Variants in TSHZ2 observed in about 807,000 individuals in gnomAD.
TSHZ2 encodes teashirt zinc finger homeobox 2.
TSHZ2 carries 21 observed loss-of-function variants against 74.4 expected under a neutral mutation model. The ratio of observed to expected loss-of-function variants is 0.28; its 90% CI spans 0.20 to 0.41. The LOEUF (loss-of-function observed/expected upper bound fraction) is 0.41, where lower values mean the gene tolerates loss of function less well. TSHZ2 is among the 10% of genes least tolerant of loss of function. The pLI is 1.00. For synonymous variants in TSHZ2, 540 were observed against 515.3 expected (o/e 1.05, Z -0.65); for missense variants, 1,244 against 1,293.5 (o/e 0.96, Z 0.59).
chr20:53,321,714 A>G (rs1979279110), intron 2 of TSHZ2, among the ~76,000 whole-genome samples: 1 of 149,636 alleles, frequency 6.7e-6, no homozygotes, highest in Admixed American at 6.7e-5. Context: ...AGACATTCCT[A>G]AGCCAGCAGA....
intron 2 of TSHZ2, among the ~76,000 whole-genome samples, chr20:53,434,661 G>C (rs1983975555): frequency 6.6e-6 from 1 of 152,216 alleles, no homozygotes; most frequent in Non-Finnish European, 1.5e-5. Context: ...CAAACACACA[G>C]AACCAAACAG....
At chr20:53,435,712 A>G (rs1568916046) in intron 2 of TSHZ2, among the ~76,000 whole-genome samples, 1 of 152,114 alleles carries the variant, frequency 6.6e-6, no homozygotes. Context: ...ACGTGGATTC[A>G]CCATATTGGT....
rs139978131 is a variant in TSHZ2, at chr20:53,394,070, T to C, written c.*9-93074T>C. Among the ~76,000 whole-genome samples, 309 of 152,362 alleles carry C rather than the reference T, an allele frequency of 2.0e-3. 2 individuals carry two copies. Among genetic ancestry groups the C allele is most frequent in the African/African-American group, 7.1e-3 (297 of 41,588 alleles). ...GAAAAAGAAAAGCCATGTCACTGAA[T>C]GTTCAGGACTTTTTAACGGTTGCTG... On this transcript the variant is annotated intron_variant, in intron 2 of 2. Transcript: ENST00000371497.
intron 1 of TSHZ2, among the ~76,000 whole-genome samples, chr20:53,184,001 G>A (rs1220049809): frequency 6.6e-6 from 1 of 152,140 alleles, no homozygotes; most frequent in Non-Finnish European, 1.5e-5. Flanking sequence ...TGCCCACAAC[G>A]CTATCCAGAA....
intron 2 of TSHZ2, among the ~76,000 whole-genome samples, chr20:53,259,254 T>C (rs1600773780): frequency 6.6e-6 from 1 of 152,258 alleles, no homozygotes; most frequent in South Asian, 2.1e-4. Context: ...TTGGAAACTA[T>C]GAGAGCTTTA....
intron 1 of TSHZ2, among the ~76,000 whole-genome samples, chr20:53,160,127 G>A (rs1987894620): frequency 6.6e-6 from 1 of 152,176 alleles, no homozygotes; most frequent in South Asian, 2.1e-4. Context: ...CAAGATGCCT[G>A]TATGTCTGAA....
At chr20:53,344,657 A>T (rs1980363893) in intron 2 of TSHZ2, among the ~76,000 whole-genome samples, 1 of 152,212 alleles carries the variant, frequency 6.6e-6, no homozygotes, top group Non-Finnish European at 1.5e-5. Context: ...CACCAGTGAC[A>T]CTGTATTTAT....
At chr20:53,443,885 G>C (rs1046487160) in intron 2 of TSHZ2, among the ~76,000 whole-genome samples, 5 of 152,192 alleles carry the variant, frequency 3.3e-5, no homozygotes, top group African/African-American at 1.2e-4. Flanking sequence ...GCTACTGCCT[G>C]TTGAAACCCG....
Position 53,418,658 on chromosome 20 carries a change from A to C in TSHZ2, c.*9-68486A>C, listed in dbSNP as rs114347983. On this transcript the variant is annotated intron_variant, in intron 2 of 2. Coordinates refer to ENST00000371497, the MANE Select transcript of TSHZ2 (RefSeq NM_173485.6). Reference sequence around the variant, plus strand: ...TACCACCCCCCAGGTCCTTCCCACAACATGTAGGAATTCAAGATGAGATTT... The same window carrying C: ...TACCACCCCCCAGGTCCTTCCCACACCATGTAGGAATTCAAGATGAGATTT... 4.6e-3 allele frequency among the ~76,000 whole-genome samples: 704 copies of C among 152,160 alleles called. 3 individuals carry two copies. The highest frequency in any genetic ancestry group is 0.016 in the African/African-American group (677 of 41,506).
intron 1 of TSHZ2, among the ~76,000 whole-genome samples, chr20:53,232,962 T>A (rs1246266055): frequency 6.6e-6 from 1 of 152,220 alleles, no homozygotes; most frequent in African/African-American, 2.4e-5. Flanking sequence ...TCACTTAGAA[T>A]TTCTATTTTA....
chr20:53,340,650 A>T (rs1005174090), intron 2 of TSHZ2, among the ~76,000 whole-genome samples: 1 of 152,214 alleles, frequency 6.6e-6, no homozygotes, highest in Non-Finnish European at 1.5e-5. Context: ...ATCCCCATGT[A>T]GCCTTCACAG....
chr20:53,178,484 T>C (rs976645754), intron 1 of TSHZ2: 1 of 152,262 alleles, frequency 6.6e-6, no homozygotes, highest in African/African-American at 2.4e-5. Context: ...ATCCTAAGAC[T>C]CTGTCCATTG....
chr20:53,246,035 TC>T (rs1990193344), intron 1 of TSHZ2, among the ~76,000 whole-genome samples: 1 of 144,550 alleles, frequency 6.9e-6, no homozygotes. Context: ...TTTCTTTCTT[TC>T]TTTCTTTTTT....
intron 2 of TSHZ2, among the ~76,000 whole-genome samples, chr20:53,468,837 G>C (rs2145830250): frequency 6.6e-6 from 1 of 150,570 alleles, no homozygotes; most frequent in East Asian, 1.9e-4. Context: ...TTCAGAAGTT[G>C]GGATTTTCCA....
chr20:53,221,737 T>C (rs1989563339), intron 1 of TSHZ2, among the ~76,000 whole-genome samples: 1 of 152,186 alleles, frequency 6.6e-6, no homozygotes, highest in Non-Finnish European at 1.5e-5. Flanking sequence ...TATTGTTTCG[T>C]AAAAACAAAA....
chr20:53,460,739 T>A (rs1240939399), intron 2 of TSHZ2, among the ~76,000 whole-genome samples: 114 of 152,162 alleles, frequency 7.5e-4, no homozygotes, highest in Middle Eastern at 3.4e-3. Context: ...GTGGATGTCC[T>A]TTCTGTTTGT....
chr20:53,485,760 G>A (rs58308086), intron 2 of TSHZ2, among the ~76,000 whole-genome samples: 3,477 of 151,970 alleles, frequency 0.023, 154 homozygotes, highest in African/African-American at 0.079. Flanking sequence ...ACAGCAGAAC[G>A]TGAATGAGAG....
chr20:53,322,115 T>C (rs1979292560), intron 2 of TSHZ2, among the ~76,000 whole-genome samples: 1 of 152,240 alleles, frequency 6.6e-6, no homozygotes. Flanking sequence ...TCTGGGACTC[T>C]ATTTTCCTAT....
chr20:53,472,154 A>T (rs1045442290), intron 2 of TSHZ2, among the ~76,000 whole-genome samples: 1 of 152,078 alleles, frequency 6.6e-6, no homozygotes, highest in South Asian at 2.1e-4. Flanking sequence ...ACTTAATTTG[A>T]GATTTTATAA....
Sources: gnomAD v4.1 joint callset for allele counts (sites outside exome capture counted in the v4.1 genomes callset) on GRCh38, gnomAD v4.1.1 for gene constraint, MANE v1.5 for transcripts, NCBI Gene and HGNC (gene_info 2026-07-23, HGNC 2026-07-21) for gene names.